The following PPFIA1 variants were observed in gnomAD, a reference collection of about 807,000 sequenced individuals.
PPFIA1 encodes PPFI scaffold protein A1, also known as liprin-alpha-1.
Under a neutral mutation model 149.9 loss-of-function variants are expected in PPFIA1, and 25 were observed. That is an observed-to-expected ratio of 0.17 (90% CI 0.12 to 0.23). PPFIA1 has a LOEUF of 0.23. PPFIA1 is among the 10% of genes least tolerant of loss of function. The pLI is 1.00. For synonymous variants in PPFIA1, 549 were observed against 552.8 expected (o/e 0.99, Z 0.10); for missense variants, 1,362 against 1,506.5 (o/e 0.90, Z 1.59).
At chr11:70,366,903 G>A (rs1196134046) in intron 21 of PPFIA1, among the ~76,000 whole-genome samples, 3 of 151,826 alleles carry the variant, frequency 2.0e-5, no homozygotes, top group Non-Finnish European at 4.4e-5. Context: ...GTGATTCTGT[G>A]GGCTTTTTTC....
At chr11:70,306,221 A>AT (rs11351550) in intron 2 of PPFIA1, among the ~76,000 whole-genome samples, 32 of 149,286 alleles carry the variant, frequency 2.1e-4, no homozygotes, top group South Asian at 1.1e-3. Flanking sequence ...GTGATCTTTA[A>AT]TTTTTTTTTT....
intron 19 of PPFIA1, among the ~76,000 whole-genome samples, chr11:70,359,136 C>T (rs1466091476): frequency 6.6e-6 from 1 of 152,076 alleles, no homozygotes. Flanking sequence ...GCACCGTTGC[C>T]CAGGCTGAAG....
intron 11 of PPFIA1, among the ~76,000 whole-genome samples, chr11:70,336,014 T>G (rs1254651106): frequency 1.3e-5 from 2 of 152,216 alleles, no homozygotes; most frequent in African/African-American, 2.4e-5. Context: ...TAAATAATTT[T>G]ATGCCAATCA....
At chr11:70,350,773 T>G (rs1363367112) in intron 16 of PPFIA1, among the ~76,000 whole-genome samples, 3 of 152,210 alleles carry the variant, frequency 2.0e-5, no homozygotes, top group Non-Finnish European at 4.4e-5. Context: ...TAGAATTTTA[T>G]CTAAGTAATA....
chr11:70,287,190 T>C (rs1403046462), intron 2 of PPFIA1, among the ~76,000 whole-genome samples: 1 of 152,018 alleles, frequency 6.6e-6, no homozygotes, highest in African/African-American at 2.4e-5. Flanking sequence ...TGCCTTTCCT[T>C]TGCTCAGAAC....
At position 70,356,196 on chromosome 11, in the gene PPFIA1, G is replaced by T; in HGVS notation, c.2524G>T (p.Ala842Ser). Residue 842 changes from alanine to serine, a missense_variant, in exon 19 of 28, where the codon GCC becomes TCC. Ala to Ser is a moderately conservative substitution (Grantham distance 99). Around this residue, in one of 7 missense-constraint regions of PPFIA1, gnomAD observed 91 missense variants for 91.2 expected, o/e 1.00. Coordinates refer to ENST00000253925, the MANE Select transcript of PPFIA1 (RefSeq NM_003626.5). ...VSETDNSSQD[A>S]LGLSKLGGQA... ...CGAGACGGATAACTCATCTCAGGAT[G>T]CCTTGGGACTTAGCAAATTGGGGGG... is the stretch of plus-strand genomic sequence containing the variant. The T allele has an allele frequency of 6.2e-7, 1 of 1,614,024 alleles. No individual in the cohort carries two copies. Among genetic ancestry groups the T allele is most frequent in the Non-Finnish European group, 8.5e-7 (1 of 1,180,022 alleles).
intron 2 of PPFIA1, among the ~76,000 whole-genome samples, chr11:70,290,336 G>A (rs565201797): frequency 1.3e-5 from 2 of 152,166 alleles, no homozygotes; most frequent in East Asian, 1.9e-4. Flanking sequence ...TAGCCCTGTC[G>A]CACCCACCTC....
At chr11:70,377,074 A>G (rs1273833014) in intron 25 of PPFIA1, among the ~76,000 whole-genome samples, 2 of 152,090 alleles carry the variant, frequency 1.3e-5, no homozygotes, top group Admixed American at 1.3e-4. Context: ...CTCCATCTCA[A>G]AAAGAAACCC....
At chr11:70,372,811 T>G (rs1025113627) in intron 23 of PPFIA1, among the ~76,000 whole-genome samples, 4 of 152,238 alleles carry the variant, frequency 2.6e-5, no homozygotes, top group Non-Finnish European at 5.9e-5. Context: ...GTTAAATGTC[T>G]CCGGCTAGTC....
chr11:70,377,956 A>T, intron 25 of PPFIA1, 74 bp from the exon 26 acceptor site: 3 of 1,184,346 alleles, frequency 2.5e-6, no homozygotes, highest in Non-Finnish European at 3.7e-6. Flanking sequence ...CAGTCATTTT[A>T]AAGGACATGT....
intron 2 of PPFIA1, among the ~76,000 whole-genome samples, chr11:70,308,545 A>G (rs945957859): frequency 2.6e-5 from 4 of 152,254 alleles, no homozygotes; most frequent in African/African-American, 7.2e-5. Flanking sequence ...GAAAAATACT[A>G]TAAATATAAA....
At chr11:70,287,866 TGAACTCCTGGGCTCAAG>T in intron 2 of PPFIA1, among the ~76,000 whole-genome samples, 1 of 151,988 alleles carries the variant, frequency 6.6e-6, no homozygotes, top group African/African-American at 2.4e-5. Context: ...AGGCTGGTCT[TGAACTCCTGGGCTCAAG>T]TGATCCTCCT....
chr11:70,378,338 T>C (rs1565470647), intron 26 of PPFIA1, 143 bp downstream of exon 26: 1 of 1,328,624 alleles, frequency 7.5e-7, no homozygotes, highest in South Asian at 2.4e-5. Context: ...ATAAATGTTT[T>C]TAAATTAACT....
chr11:70,309,137 C>T (rs1591153125), intron 2 of PPFIA1, among the ~76,000 whole-genome samples: 1 of 151,538 alleles, frequency 6.6e-6, no homozygotes, highest in East Asian at 1.9e-4. Context: ...TATACATTCT[C>T]AGTAATATTT....
At chr11:70,329,819 T>A (rs565074734) in intron 7 of PPFIA1, 2 of 210,070 alleles carry the variant, frequency 9.5e-6, no homozygotes, top group Non-Finnish European at 1.9e-5. Flanking sequence ...TCCCAGCTAC[T>A]GGGAAGATTG....
Position 70,286,687 on chromosome 11 carries a change from A to T in PPFIA1, c.264+14251A>T, listed in dbSNP as rs1231317897. On this transcript the variant is annotated intron_variant, in intron 2 of 27. Transcript: ENST00000253925. ...CTTTGTCTTCACCGGGTTGACTCCC[A>T]TGGCCCCTGTTCTGGAGCCTCTCTG... is the stretch of plus-strand genomic sequence containing the variant. Among the ~76,000 whole-genome samples, 3 of 150,632 alleles carry T rather than the reference A, an allele frequency of 2.0e-5. No individual in the cohort carries two copies. In the East Asian group the frequency reaches 5.8e-4, roughly 29 times the overall value.
rs1031275970 is a variant in PPFIA1 at position 70,372,349 on chromosome 11, A to G, written c.3000A>G (p.Lys1000=). The part of the protein sequence containing the change: ...DARMLDHLTK[K]DLRGQLKMVD... The stretch of plus-strand genomic sequence containing the variant: ...GGATGCTGGACCACTTGACCAAGAA[A>G]GACCTTCGAGGGCAGCTGAAAATGG... Residue 1000 remains lysine (K), a synonymous_variant, in exon 22 of 28, where the codon AAA becomes AAG. Coordinates refer to ENST00000253925, the MANE Select transcript of PPFIA1 (RefSeq NM_003626.5). 2.5e-6 allele frequency: 4 copies of G among 1,614,250 alleles called. No individual in the cohort carries two copies. Among genetic ancestry groups the G allele is most frequent in the Non-Finnish European group, 2.5e-6 (3 of 1,180,044 alleles).
intron 2 of PPFIA1, among the ~76,000 whole-genome samples, chr11:70,319,399 G>C (rs627079): frequency 3.9e-5 from 6 of 152,092 alleles, no homozygotes; most frequent in Admixed American, 2.0e-4. Context: ...CTTTGAAAAC[G>C]GGTGAAGGGC....
chr11:70,372,486 C>G lies in PPFIA1; in HGVS notation c.3051C>G (p.Phe1017Leu). 6.2e-7 allele frequency: 1 copy of G among 1,613,712 alleles called. No homozygotes were observed. Among genetic ancestry groups the G allele is most frequent in the Non-Finnish European group, 8.5e-7 (1 of 1,179,734 alleles). The change falls in exon 23 of 28, where the codon TTC becomes TTG. Residue 1017 changes from phenylalanine (F) to leucine (L), a missense_variant. Phe to Leu is a conservative substitution (Grantham distance 22). Transcript: ENST00000253925. ...KMVDSFHRNS[F>L]QCGIMCLRRL... is the part of the protein sequence containing the mutation. ...CTTTTCTTCCAAATAGAAACAGTTT[C>G]CAGTGTGGAATTATGTGCCTGAGAA...
Sources: gnomAD v4.1 joint callset for allele counts (sites outside exome capture counted in the v4.1 genomes callset) on GRCh38, gnomAD v4.1.1 for gene constraint, gnomAD v4.1.1 regional missense constraint, MANE v1.5 for transcripts, NCBI Gene and HGNC (gene_info 2026-07-23, HGNC 2026-07-21) for gene names.